Variants in CDC42SE2 observed in about 807,000 individuals in gnomAD.
CDC42SE2 encodes the protein CDC42 small effector 2, also known as CDC42 small effector protein 2.
In CDC42SE2, 3 loss-of-function variants were observed where a neutral mutation model predicts 11.5. That is an observed-to-expected ratio of 0.26 (90% CI 0.12 to 0.67). CDC42SE2 has a LOEUF of 0.67. Ranked by LOEUF, CDC42SE2 falls within the 30% of genes least tolerant of loss-of-function variation. The pLI, the probability that CDC42SE2 is intolerant of heterozygous loss-of-function variation, is 0.80. For missense variants in CDC42SE2, 82 were observed against 106.8 expected, an observed-to-expected ratio of 0.77 and a Z score of 1.02; for synonymous variants, 33 against 34.8, an observed-to-expected ratio of 0.95 and a Z score of 0.18.
intron 1 of CDC42SE2, among the ~76,000 whole-genome samples, chr5:131,265,457 GA>G (rs932811459): frequency 1.5e-4 from 23 of 152,220 alleles, no homozygotes; most frequent in Non-Finnish European, 2.5e-4. Context: ...TTTAGGGGGG[GA>G]AAAGCTAATG....
At chr5:131,364,458 C>G (rs549233917) in intron 3 of CDC42SE2, among the ~76,000 whole-genome samples, 1 of 152,194 alleles carries the variant, frequency 6.6e-6, no homozygotes, top group Admixed American at 6.5e-5. Flanking sequence ...TAAGAGGTAA[C>G]CAAGGGCCAG....
At chr5:131,245,875 AT>A (rs1451842612) in intron 1 of CDC42SE2, among the ~76,000 whole-genome samples, 1 of 152,136 alleles carries the variant, frequency 6.6e-6, no homozygotes, top group Non-Finnish European at 1.5e-5. Context: ...TATATAGTCT[AT>A]TTTACAGTCT....
chr5:131,286,670 T>C (rs948489123), intron 1 of CDC42SE2, among the ~76,000 whole-genome samples: 1 of 152,026 alleles, frequency 6.6e-6, no homozygotes, highest in African/African-American at 2.4e-5. Context: ...TTCAGTCTAC[T>C]CAACTTGAAG....
chr5:131,314,579 A>T (rs1394263982), intron 1 of CDC42SE2, among the ~76,000 whole-genome samples: 1 of 152,142 alleles, frequency 6.6e-6, no homozygotes, highest in Admixed American at 6.5e-5. Flanking sequence ...TAGAAATAGA[A>T]TTGATTTTTG....
At chr5:131,237,963 T>C in the CDC42SE2 span, among the ~76,000 whole-genome samples, 1 of 152,216 alleles carries the variant, frequency 6.6e-6, no homozygotes, top group African/African-American at 2.4e-5. Flanking sequence ...TCTTTCATAA[T>C]CTTTGGAAAA....
chr5:131,309,871 A>G (rs1296782775), intron 1 of CDC42SE2, among the ~76,000 whole-genome samples: 3 of 151,506 alleles, frequency 2.0e-5, no homozygotes, highest in African/African-American at 4.9e-5. Flanking sequence ...CGGTCTATCA[A>G]TTTTGTTGAT....
chr5:131,344,285 T>C (rs971591622), intron 2 of CDC42SE2, among the ~76,000 whole-genome samples: 1 of 152,054 alleles, frequency 6.6e-6, no homozygotes, highest in Non-Finnish European at 1.5e-5. Context: ...ACCTGGAAAA[T>C]TGGGACACTC....
intron 3 of CDC42SE2, among the ~76,000 whole-genome samples, chr5:131,362,254 A>G (rs767547793): frequency 6.6e-6 from 1 of 152,182 alleles, no homozygotes; most frequent in Non-Finnish European, 1.5e-5. Context: ...ATGAATACAT[A>G]CTTATGTGAA....
At chr5:131,226,516 G>T in the CDC42SE2 span, among the ~76,000 whole-genome samples, 23 of 152,310 alleles carry the variant, frequency 1.5e-4, no homozygotes, top group African/African-American at 5.5e-4. Flanking sequence ...GGGGCCTGCA[G>T]TCATTCATTT....
intron 2 of CDC42SE2, among the ~76,000 whole-genome samples, chr5:131,317,989 A>C (rs1022770216): frequency 6.6e-6 from 1 of 151,464 alleles, no homozygotes; most frequent in African/African-American, 2.4e-5. Context: ...CTCTTTGCCT[A>C]GGCCTATGTG....
At chr5:131,341,366 T>C (rs1277038852) in intron 2 of CDC42SE2, among the ~76,000 whole-genome samples, 2 of 152,240 alleles carry the variant, frequency 1.3e-5, no homozygotes, top group Non-Finnish European at 2.9e-5. Context: ...CCCTGGAAGT[T>C]AGCAGATACT....
the CDC42SE2 span, among the ~76,000 whole-genome samples, chr5:131,228,308 A>C: frequency 6.6e-6 from 1 of 152,186 alleles, no homozygotes; most frequent in Non-Finnish European, 1.5e-5. Flanking sequence ...TTGAGGCTAC[A>C]GTGAGCTGTG....
At chr5:131,312,003 GGAGGAGGA>G (rs1351523120) in intron 1 of CDC42SE2, among the ~76,000 whole-genome samples, 1 of 152,106 alleles carries the variant, frequency 6.6e-6, no homozygotes, top group Non-Finnish European at 1.5e-5. Context: ...GCATTCCTTT[GGAGGAGGA>G]GAGGCGCTCT....
chr5:131,229,604 T>C, the CDC42SE2 span, among the ~76,000 whole-genome samples: 1 of 152,142 alleles, frequency 6.6e-6, no homozygotes, highest in African/African-American at 2.4e-5. Flanking sequence ...CTTGGAGCTC[T>C]GACCTAAAGT....
the CDC42SE2 span, among the ~76,000 whole-genome samples, chr5:131,223,092 A>G: frequency 3.3e-5 from 5 of 152,180 alleles, no homozygotes; most frequent in East Asian, 9.6e-4. Flanking sequence ...TTGACTCATC[A>G]TCATCCTATC....
chr5:131,230,808 G>A, the CDC42SE2 span, among the ~76,000 whole-genome samples: 3 of 152,178 alleles, frequency 2.0e-5, 1 homozygote, highest in South Asian at 4.1e-4. Flanking sequence ...GTTTGTTTAC[G>A]TTTTCTGCAC....
In CDC42SE2 at chr5:131,311,673, C is replaced by G. The variant is rs937057730; in HGVS notation, c.-454-4303C>G. On this transcript the variant is annotated intron_variant, in intron 1 of 4. Transcript: ENST00000505065. ...ATTCTTTTTTCTCTGAACTTCCCTT[C>G]TCACTTCATTTCATTCATCTCATCT... Among the ~76,000 whole-genome samples the G allele has an allele frequency of 3.9e-5, 6 of 152,322 alleles. No homozygotes were observed. In the South Asian group the frequency reaches 8.3e-4, roughly 21 times the overall value.
chr5:131,312,274 A>G (rs1423265674), intron 1 of CDC42SE2, among the ~76,000 whole-genome samples: 3 of 151,046 alleles, frequency 2.0e-5, no homozygotes, highest in African/African-American at 7.3e-5. Flanking sequence ...GGGGTCAGGG[A>G]CCCACTTGAG....
chr5:131,307,116 G>T (rs1757795116), intron 1 of CDC42SE2, among the ~76,000 whole-genome samples: 1 of 151,282 alleles, frequency 6.6e-6, no homozygotes, highest in Non-Finnish European at 1.5e-5. Flanking sequence ...TGCACATTGT[G>T]CAGGTTAGTT....
Sources: allele counts gnomAD v4.1 joint callset (sites outside exome capture counted in the v4.1 genomes callset), GRCh38; gene constraint gnomAD v4.1.1; transcripts MANE v1.5; gene names NCBI Gene and HGNC (gene_info 2026-07-23, HGNC 2026-07-21).